Variants in GNAL observed in about 807,000 individuals in gnomAD.
GNAL encodes the protein guanine nucleotide-binding protein G(olf) subunit alpha.
Under a neutral mutation model 55.1 loss-of-function variants are expected in GNAL, and 18 were observed. That is an observed-to-expected ratio of 0.33 (90% CI 0.23 to 0.48). GNAL has a LOEUF of 0.48. GNAL is among the 20% of genes least tolerant of loss of function. The probability of loss-of-function intolerance (pLI) is 0.99; values close to 1 mark genes in which losing one functional copy is unlikely to be tolerated. For synonymous variants in GNAL, 253 were observed against 237.0 expected, an observed-to-expected ratio of 1.07 and a Z score of -0.62; for missense variants, 412 against 614.1, an observed-to-expected ratio of 0.67 and a Z score of 3.48.
intron 1 of GNAL, among the ~76,000 whole-genome samples, chr18:11,727,288 T>TGGGGTA (rs1481750671): frequency 2.0e-5 from 3 of 152,096 alleles, no homozygotes; most frequent in African/African-American, 7.2e-5. Flanking sequence ...AGCCTGGGAG[T>TGGGGTA]CCCCACACTT....
chr18:11,813,264 A>C (rs989914606), intron 4 of GNAL, among the ~76,000 whole-genome samples: 1 of 151,856 alleles, frequency 6.6e-6, no homozygotes, highest in Non-Finnish European at 1.5e-5. Context: ...TAAAAAAAAG[A>C]AAAAAAGACA....
At chr18:11,774,078 AC>A (rs1297758716) in intron 4 of GNAL, among the ~76,000 whole-genome samples, 2 of 152,188 alleles carry the variant, frequency 1.3e-5, no homozygotes, top group East Asian at 3.8e-4. Context: ...CCTGTGCCTG[AC>A]ACACCTTAAA....
chr18:11,813,696 T>C (rs555320170), intron 4 of GNAL, among the ~76,000 whole-genome samples: 2 of 152,198 alleles, frequency 1.3e-5, no homozygotes, highest in African/African-American at 2.4e-5. Context: ...AATTCAGAAA[T>C]AGATCCACCT....
chr18:11,777,788 T>TC (rs1330672032), intron 4 of GNAL, among the ~76,000 whole-genome samples: 7 of 152,114 alleles, frequency 4.6e-5, no homozygotes, highest in Admixed American at 4.6e-4. Flanking sequence ...ACTCGTTACA[T>TC]CCTAAGAGCT....
At chr18:11,767,064 G>A (rs2033428985) in intron 4 of GNAL, among the ~76,000 whole-genome samples, 1 of 152,122 alleles carries the variant, frequency 6.6e-6, no homozygotes, top group Admixed American at 6.5e-5. Context: ...ATACCCATTT[G>A]TATTTTACAG....
chr18:11,730,869 T>C (rs1024371917), intron 1 of GNAL, among the ~76,000 whole-genome samples: 6 of 152,164 alleles, frequency 3.9e-5, no homozygotes, highest in African/African-American at 1.4e-4. Flanking sequence ...CAGAGTCAAA[T>C]TGGAAAGTAA....
chr18:11,869,236 C>T (rs1002328513), intron 9 of GNAL, among the ~76,000 whole-genome samples: 4 of 152,034 alleles, frequency 2.6e-5, no homozygotes, highest in East Asian at 3.9e-4. Context: ...CTCCACCTCC[C>T]GGGTTCATGC....
intron 4 of GNAL, among the ~76,000 whole-genome samples, chr18:11,814,256 G>A (rs1295049679): frequency 6.6e-6 from 1 of 152,224 alleles, no homozygotes; most frequent in Non-Finnish European, 1.5e-5. Context: ...CGGGCACGGT[G>A]GCTCATGCCT....
chr18:11,728,300 T>C (rs1224674106), intron 1 of GNAL, among the ~76,000 whole-genome samples: 2 of 152,048 alleles, frequency 1.3e-5, no homozygotes, highest in Non-Finnish European at 2.9e-5. Flanking sequence ...TAAGGCATGA[T>C]TGTTGTCTCA....
chr18:11,692,764 G>C (rs1427493669), intron 1 of GNAL, among the ~76,000 whole-genome samples: 1 of 151,452 alleles, frequency 6.6e-6, no homozygotes, highest in Admixed American at 6.6e-5. Context: ...AAAAAAATAC[G>C]AAAATTAGCT....
At chr18:11,782,331 AAAAG>A (rs2033943901) in intron 4 of GNAL, among the ~76,000 whole-genome samples, 1 of 152,214 alleles carries the variant, frequency 6.6e-6, no homozygotes, top group Non-Finnish European at 1.5e-5. Flanking sequence ...GAAAAAAAGA[AAAAG>A]AAAAAGAATG....
chr18:11,694,261 C>G (rs1214624191), intron 1 of GNAL, among the ~76,000 whole-genome samples: 1 of 152,154 alleles, frequency 6.6e-6, no homozygotes, highest in Non-Finnish European at 1.5e-5. Flanking sequence ...AAAGGTTTAA[C>G]TCCCTGTGTC....
intron 1 of GNAL, among the ~76,000 whole-genome samples, chr18:11,709,871 T>C (rs1395619636): frequency 6.6e-6 from 1 of 152,206 alleles, no homozygotes; most frequent in East Asian, 1.9e-4. Context: ...CATCTTTGCC[T>C]TCTTCCTAAT....
At chr18:11,715,155 A>G (rs551800142) in intron 1 of GNAL, among the ~76,000 whole-genome samples, 4 of 146,098 alleles carry the variant, frequency 2.7e-5, no homozygotes, top group Non-Finnish European at 4.4e-5. Context: ...AAAAAAAAAA[A>G]GAAAGAAAAG....
At chr18:11,812,128 A>G (rs950804015) in intron 4 of GNAL, among the ~76,000 whole-genome samples, 1 of 152,236 alleles carries the variant, frequency 6.6e-6, no homozygotes, top group Non-Finnish European at 1.5e-5. Context: ...TGTGGGAAAA[A>G]AAATACTTGA....
intron 5 of GNAL, among the ~76,000 whole-genome samples, chr18:11,838,579 T>G (rs534741025): frequency 6.6e-6 from 1 of 152,316 alleles, no homozygotes; most frequent in Admixed American, 6.5e-5. Flanking sequence ...CTTGGACACT[T>G]CAGTAAAATT....
chr18:11,738,458 A>G (rs2032503529), intron 1 of GNAL, among the ~76,000 whole-genome samples: 1 of 151,976 alleles, frequency 6.6e-6, no homozygotes, highest in Admixed American at 6.6e-5. Flanking sequence ...AGAGCCCAGC[A>G]TGGCACCTTC....
chr18:11,854,312 A>T (rs2035952620), intron 5 of GNAL: 1 of 167,046 alleles, frequency 6.0e-6, no homozygotes. Context: ...TACTATTATG[A>T]ATGTACATTT....
At chr18:11,724,271 G>A (rs756423791) in intron 1 of GNAL, among the ~76,000 whole-genome samples, 51 of 152,152 alleles carry the variant, frequency 3.4e-4, no homozygotes, top group Non-Finnish European at 4.3e-4. Flanking sequence ...CGGGGGCAGC[G>A]TTTTCAGGCT....
Sources: gnomAD v4.1 joint callset for allele counts (sites outside exome capture counted in the v4.1 genomes callset) on GRCh38, gnomAD v4.1.1 for gene constraint, MANE v1.5 for transcripts, NCBI Gene and HGNC (gene_info 2026-07-23, HGNC 2026-07-21) for gene names.